Variants in SULT1B1 observed in about 807,000 individuals in gnomAD.
SULT1B1 encodes sulfotransferase 1B1.
A neutral mutation model predicts 34.6 loss-of-function variants in SULT1B1; 28 were observed. The observed-to-expected ratio is 0.81, with a 90% CI of 0.60 to 1.11. The LOEUF (loss-of-function observed/expected upper bound fraction) is 1.11, where lower values mean the gene tolerates loss of function less well. SULT1B1 is among the 50% of genes least tolerant of loss of function. The pLI is 0.00. For missense variants in SULT1B1, 374 were observed against 352.2 expected (o/e 1.06, Z -0.50); for synonymous variants, 147 against 110.2 (o/e 1.33, Z -2.09).
intron 4 of SULT1B1, among the ~76,000 whole-genome samples, chr4:69,739,966 T>C (rs1718478125): frequency 6.6e-6 from 1 of 152,220 alleles, no homozygotes; most frequent in East Asian, 1.9e-4. Flanking sequence ...ATTGTACATA[T>C]CACTATCAGC....
intron 1 of SULT1B1, among the ~76,000 whole-genome samples, chr4:69,757,279 T>C (rs1719227971): frequency 6.6e-6 from 1 of 152,194 alleles, no homozygotes; most frequent in East Asian, 1.9e-4. Flanking sequence ...AGATAGAATT[T>C]GAACTAATTG....
intron 6 of SULT1B1, among the ~76,000 whole-genome samples, chr4:69,730,938 A>G (rs114692507): frequency 0.021 from 3,236 of 152,304 alleles, 91 homozygotes; most frequent in African/African-American, 0.069. Context: ...GGTTAGAATG[A>G]GTAAACGAGC....
chr4:69,729,484 G>T (rs1423427827), intron 7 of SULT1B1, among the ~76,000 whole-genome samples: 1 of 151,960 alleles, frequency 6.6e-6, no homozygotes, highest in East Asian at 1.9e-4. Flanking sequence ...AGTCTTCTTT[G>T]CTCAAACTTA....
At chr4:69,738,094 A>C (rs1286349762) in intron 4 of SULT1B1, among the ~76,000 whole-genome samples, 2 of 152,178 alleles carry the variant, frequency 1.3e-5, no homozygotes, top group African/African-American at 4.8e-5. Context: ...CCTTCCATGC[A>C]TAAGTGAGAA....
chr4:69,749,740 A>G lies in SULT1B1; in HGVS notation c.356T>C (p.Phe119Ser). 4 of 1,613,618 alleles carry G rather than the reference A, an allele frequency of 2.5e-6. No individual in the cohort carries two copies. Among genetic ancestry groups the G allele is most frequent in the Non-Finnish European group, 3.4e-6 (4 of 1,179,622 alleles). ...HLPTDLLPKSFWENNCKMIYL... is the reference protein window; with the variant it reads ...HLPTDLLPKSSWENNCKMIYL... ...GTATACCTTGCAATTGTTTTCCCAGAAAGATTTAGGAAGAAGATCAGTCGG... is the reference window on the plus strand; with the variant it reads ...GTATACCTTGCAATTGTTTTCCCAGGAAGATTTAGGAAGAAGATCAGTCGG... The change falls in exon 4 of 8, where the codon TTC becomes TCC. Residue 119 changes from phenylalanine (F) to serine (S), a missense_variant. By Grantham distance (155) the Phe-to-Ser change is radical. Coordinates refer to ENST00000310613, the MANE Select transcript of SULT1B1 (RefSeq NM_014465.4).
chr4:69,728,601 G>A (rs1044549678), intron 7 of SULT1B1, among the ~76,000 whole-genome samples: 11 of 151,112 alleles, frequency 7.3e-5, no homozygotes, highest in South Asian at 2.1e-4. Flanking sequence ...GCAAATTAAC[G>A]AATGAGTACT....
At chr4:69,757,881 G>C (rs1039746112) in intron 1 of SULT1B1, among the ~76,000 whole-genome samples, 2 of 152,124 alleles carry the variant, frequency 1.3e-5, no homozygotes, top group African/African-American at 4.8e-5. Flanking sequence ...ACCTGAAATA[G>C]AGGATATTAA....
chr4:69,758,550 G>A, intron 1 of SULT1B1: 2 of 863,196 alleles, frequency 2.3e-6, no homozygotes. Flanking sequence ...AATTAATTGA[G>A]AAAAATAAAT....
At chr4:69,730,764 T>C (rs1177071468) in intron 6 of SULT1B1, 83 bp from the exon 7 acceptor site, 1 of 1,304,360 alleles carries the variant, frequency 7.7e-7, no homozygotes, top group South Asian at 1.4e-5. Flanking sequence ...TCCGTTTTTT[T>C]AAATGTTGAC....
chr4:69,727,313 A>C lies in SULT1B1; in HGVS notation c.779-113T>G, dbSNP rs1319037188. The C allele has an allele frequency of 6.2e-6, 4 of 642,140 alleles. No homozygotes were observed. The Admixed American group carries it at 1.6e-4, about 25-fold the overall frequency. 39.8% of individuals were successfully genotyped at this position (642,140 alleles called of 1,614,324 possible). On this transcript the variant is annotated intron_variant, in intron 7 of 7. Transcript: ENST00000310613. ...TAAAGAAAGACCTTCCTTTTATTTG[A>C]ATGAATTCAAACAGTCTTTAAATTG...
chr4:69,740,381 C>A (rs1718497033), intron 4 of SULT1B1, among the ~76,000 whole-genome samples: 1 of 152,126 alleles, frequency 6.6e-6, no homozygotes, highest in South Asian at 2.1e-4. Flanking sequence ...GGTGGCAGGA[C>A]AGAGGGAGTT....
chr4:69,721,726 T>C lies in SULT1B1; in HGVS notation c.*5362A>G, dbSNP rs1717672484. The C allele has an allele frequency of 6.6e-6, 1 of 152,172 alleles. No individual in the cohort carries two copies. Among genetic ancestry groups the C allele is most frequent in the African/African-American group, 2.4e-5 (1 of 41,464 alleles). 9.4% of individuals were successfully genotyped at this position (152,172 alleles called of 1,614,324 possible). A position where few individuals can be genotyped will look rare whatever the true frequency, so the allele number is the denominator to read the frequency against. On this transcript the variant is annotated 3_prime_UTR_variant, in exon 8 of 8. Coordinates refer to ENST00000310613, the MANE Select transcript of SULT1B1 (RefSeq NM_014465.4). ...CTTTGAATGTATGAATCTGAGTGTCTATCCATGTCATGATGAAAAGTTCTT... is the reference window on the plus strand; with the variant it reads ...CTTTGAATGTATGAATCTGAGTGTCCATCCATGTCATGATGAAAAGTTCTT...
At chr4:69,760,213 CT>C (rs1339885692) in intron 1 of SULT1B1, 1 of 984,574 alleles carries the variant, frequency 1.0e-6, no homozygotes, top group East Asian at 1.1e-4. Flanking sequence ...CTTACAGTTT[CT>C]TGAGAAGACC....
At position 69,755,139 on chromosome 4, in the gene SULT1B1, T is replaced by C. The variant is rs139571740; in HGVS notation, c.79A>G (p.Asn27Asp). ...GYPMTCAFASNWEKIEQFHSR... is the reference protein window; with the variant it reads ...GYPMTCAFASDWEKIEQFHSR... ...TGGAACTGTTCAATTTTTTCCCAGT[T>C]GCTTGCAAAAGCACAGGTCATGGGA... Residue 27 changes from asparagine (N) to aspartate (D), a missense_variant, in exon 2 of 8, where the codon AAC becomes GAC. Physicochemically the swap from Asn to Asp is conservative, Grantham distance 23. Coordinates refer to ENST00000310613, the MANE Select transcript of SULT1B1 (RefSeq NM_014465.4). 20 of 1,613,908 alleles carry C rather than the reference T, an allele frequency of 1.2e-5. No homozygotes were observed. The highest frequency in any genetic ancestry group is 1.7e-5 in the Non-Finnish European group (20 of 1,179,876).
At chr4:69,744,954 A>T (rs1005092659) in intron 4 of SULT1B1, among the ~76,000 whole-genome samples, 2 of 152,160 alleles carry the variant, frequency 1.3e-5, no homozygotes, top group African/African-American at 2.4e-5. Flanking sequence ...TGTTTCAAAG[A>T]CTTTTTTAAA....
In SULT1B1 at chr4:69,727,022, T is replaced by C. The variant is rs1717856818; in HGVS notation, c.*66A>G. On this transcript the variant is annotated 3_prime_UTR_variant, in exon 8 of 8. Coordinates refer to ENST00000310613, the MANE Select transcript of SULT1B1 (RefSeq NM_014465.4). ...TCATTTGATTGCCCAAATCAATTCA[T>C]AACTGCCCTCGTTTCAATCAACTAC... is the stretch of plus-strand genomic sequence containing the variant. 1 of 1,184,940 alleles carries C rather than the reference T, an allele frequency of 8.4e-7. No individual in the cohort carries two copies. The highest frequency in any genetic ancestry group is 1.2e-6 in the Non-Finnish European group (1 of 843,292). The allele number at this position is 1,184,940 out of a possible 1,614,324, so 73.4% of individuals were successfully genotyped here. A position where few individuals can be genotyped will look rare whatever the true frequency, so the allele number is the denominator to read the frequency against.
intron 4 of SULT1B1, among the ~76,000 whole-genome samples, chr4:69,735,137 C>T (rs976090279): frequency 6.6e-6 from 1 of 152,024 alleles, no homozygotes; most frequent in Non-Finnish European, 1.5e-5. Context: ...CTTAATGTCA[C>T]TAAAGCCCTG....
chr4:69,754,415 T>TA (rs1578068602), intron 3 of SULT1B1, among the ~76,000 whole-genome samples: 1 of 152,328 alleles, frequency 6.6e-6, no homozygotes, highest in South Asian at 2.1e-4. Context: ...ATAAAAGTCT[T>TA]AAAAATATTG....
At chr4:69,743,932 G>C (rs1718650668) in intron 4 of SULT1B1, among the ~76,000 whole-genome samples, 1 of 152,140 alleles carries the variant, frequency 6.6e-6, no homozygotes, top group Admixed American at 6.5e-5. Flanking sequence ...CGCATGGGTG[G>C]CTGCAGATGT....
Sources: allele counts gnomAD v4.1 joint callset (sites outside exome capture counted in the v4.1 genomes callset), GRCh38; gene constraint gnomAD v4.1.1; transcripts MANE v1.5; gene names NCBI Gene and HGNC (gene_info 2026-07-23, HGNC 2026-07-21).